NECTIN1: variants seen among roughly 807,000 people sequenced by gnomAD.
NECTIN1 encodes the protein nectin cell adhesion molecule 1.
Under a neutral mutation model 48.0 loss-of-function variants are expected in NECTIN1, and 23 were observed. That is an observed-to-expected ratio of 0.48 (90% CI 0.34 to 0.68). The LOEUF (loss-of-function observed/expected upper bound fraction) is 0.68. Among genes scored for constraint, NECTIN1 ranks in the 30% least tolerant of loss-of-function variants. The pLI is 0.01. For missense variants in NECTIN1, 591 were observed against 709.9 expected, an observed-to-expected ratio of 0.83 and a Z score of 1.90; for synonymous variants, 270 against 288.9, an observed-to-expected ratio of 0.93 and a Z score of 0.66.
intron 5 of NECTIN1, among the ~76,000 whole-genome samples, chr11:119,648,568 C>T (rs1009216986): frequency 3.3e-5 from 5 of 150,900 alleles, no homozygotes; most frequent in African/African-American, 4.9e-5. Flanking sequence ...GGCAGAGCAA[C>T]GGGCCTGAGA....
At chr11:119,692,901 C>G (rs772541340) in intron 1 of NECTIN1, among the ~76,000 whole-genome samples, 1 of 152,238 alleles carries the variant, frequency 6.6e-6, no homozygotes, top group Non-Finnish European at 1.5e-5. Flanking sequence ...ACCCTCTGAA[C>G]CAGACCTGGG....
At position 119,664,962 on chromosome 11, in the gene NECTIN1, C is replaced by T; in HGVS notation, c.1339G>A (p.Gly447Arg). Residue 447 changes from glycine to arginine, a missense_variant, in exon 6 of 6, where the codon GGA becomes AGA. Physicochemically the swap from Gly to Arg is moderately radical, Grantham distance 125. Transcript: ENST00000264025. ...CCGCCCACCTTGCGCTCGCCCCCTCCACCGCCCTCCTCCTCCTCCTCCTCC... is the reference window on the plus strand; with the variant it reads ...CCGCCCACCTTGCGCTCGCCCCCTCTACCGCCCTCCTCCTCCTCCTCCTCC... ...EEEEEEEEGG[G>R]GGERKVGGPH... 1 of 1,613,176 alleles carries T rather than the reference C, an allele frequency of 6.2e-7. No individual in the cohort carries two copies.
chr11:119,639,855 C>CT, intron 6 of NECTIN1: 4 of 1,614,054 alleles, frequency 2.5e-6, no homozygotes, highest in Non-Finnish European at 3.4e-6. Context: ...CAGAGTCCTG[C>CT]CTGGCTCACC....
intron 5 of NECTIN1, among the ~76,000 whole-genome samples, chr11:119,666,026 G>A (rs1864763316): frequency 6.6e-6 from 1 of 152,200 alleles, no homozygotes; most frequent in Non-Finnish European, 1.5e-5. Flanking sequence ...GTTCTTGGCT[G>A]TGGTCTGGGC....
intron 5 of NECTIN1, among the ~76,000 whole-genome samples, chr11:119,652,009 C>A (rs539520336): frequency 6.6e-6 from 1 of 152,274 alleles, no homozygotes; most frequent in Non-Finnish European, 1.5e-5. Flanking sequence ...CAGCCCCCTG[C>A]CTCCTAGTCC....
rs1234403981 is a variant in NECTIN1, at chr11:119,728,742, C to A, written c.-189G>T. ...CGCGGCCGCAGTCCGGGCCCCGGGCCGCCGCCGGCTCAGAGGCTCGGCAGA... is the reference window on the plus strand; with the variant it reads ...CGCGGCCGCAGTCCGGGCCCCGGGCAGCCGCCGGCTCAGAGGCTCGGCAGA... On this transcript the variant is annotated 5_prime_UTR_variant, in exon 1 of 6. Coordinates refer to ENST00000264025, the MANE Select transcript of NECTIN1 (RefSeq NM_002855.5). The A allele has an allele frequency of 6.6e-6, 3 of 454,390 alleles. No individual in the cohort carries two copies. Among genetic ancestry groups the A allele is most frequent in the Non-Finnish European group, 1.2e-5 (3 of 258,282 alleles). The allele number at this position is 454,390 out of a possible 1,614,324, so 28.1% of individuals were successfully genotyped here. A position where few individuals can be genotyped will look rare whatever the true frequency, so the allele number is the denominator to read the frequency against.
intron 1 of NECTIN1, among the ~76,000 whole-genome samples, chr11:119,692,234 C>A (rs1865269036): frequency 6.6e-6 from 1 of 152,258 alleles, no homozygotes; most frequent in African/African-American, 2.4e-5. Flanking sequence ...CCAGGGCCTG[C>A]TCCGCACACT....
At chr11:119,639,996 C>T (rs1446087420) in exon 6 of NECTIN1, 1 of 1,613,024 alleles carries the variant, frequency 6.2e-7, no homozygotes, top group Non-Finnish European at 8.5e-7. Flanking sequence ...CCAGACCCCT[C>T]TGGGGGCGGG....
In NECTIN1 at chr11:119,663,456, G is replaced by A; in HGVS notation, c.*1291C>T. On this transcript the variant is annotated 3_prime_UTR_variant, in exon 6 of 6. Coordinates refer to ENST00000264025, the MANE Select transcript of NECTIN1 (RefSeq NM_002855.5). The stretch of plus-strand genomic sequence containing the variant: ...CCTCATCCCAGAATGAGGACCAGGG[G>A]TGGCTGAGCAGGAGGTGGCCTAGCG... The A allele has an allele frequency of 1.0e-6, 1 of 985,408 alleles. No homozygotes were observed. The highest frequency in any genetic ancestry group is 4.7e-5 in the South Asian group (1 of 21,298). 61.0% of individuals were successfully genotyped at this position (985,408 alleles called of 1,614,324 possible).
At chr11:119,682,320 G>C (rs1446849840) in intron 1 of NECTIN1, among the ~76,000 whole-genome samples, 1 of 152,162 alleles carries the variant, frequency 6.6e-6, no homozygotes, top group Non-Finnish European at 1.5e-5. Flanking sequence ...GAAGGGACCA[G>C]GATTGATAAA....
chr11:119,720,958 C>G (rs1339542120), intron 1 of NECTIN1, among the ~76,000 whole-genome samples: 2 of 152,148 alleles, frequency 1.3e-5, no homozygotes, highest in East Asian at 1.9e-4. Flanking sequence ...GAAACTCCAT[C>G]TATAGGTGAG....
At chr11:119,682,755 A>G (rs1225051715) in intron 1 of NECTIN1, among the ~76,000 whole-genome samples, 2 of 152,162 alleles carry the variant, frequency 1.3e-5, no homozygotes, top group Non-Finnish European at 2.9e-5. Context: ...TTCCATCATC[A>G]TCATCACCAT....
At position 119,702,962 on chromosome 11, in the gene NECTIN1, A is replaced by C. The variant is rs369092934; in HGVS notation, c.80-24197T>G. ...AGCCCTGTCCCCCAGTATGGGTTAA[A>C]CCCCCCTTGCTCTATGTTCCCACCA... is the stretch of plus-strand genomic sequence containing the variant. On this transcript the variant is annotated intron_variant, in intron 1 of 5. Coordinates refer to ENST00000264025, the MANE Select transcript of NECTIN1 (RefSeq NM_002855.5). 3.3e-4 allele frequency among the ~76,000 whole-genome samples: 50 copies of C among 151,914 alleles called. No individual in the cohort carries two copies. The East Asian group carries it at 9.7e-3, about 29-fold the overall frequency.
intron 5 of NECTIN1, among the ~76,000 whole-genome samples, chr11:119,668,838 C>G (rs11217385): frequency 0.052 from 7,971 of 152,274 alleles, 710 homozygotes; most frequent in African/African-American, 0.18. Flanking sequence ...AAGTTCTTCT[C>G]TTCTGCAGGA....
At chr11:119,640,273 G>GT (rs1401484087) in intron 5 of NECTIN1, 1 of 544,208 alleles carries the variant, frequency 1.8e-6, no homozygotes, top group African/African-American at 1.9e-5. Flanking sequence ...TAGAACAAGG[G>GT]TGAGGGTATC....
chr11:119,705,865 C>T (rs1377242990), intron 1 of NECTIN1, among the ~76,000 whole-genome samples: 2 of 151,842 alleles, frequency 1.3e-5, no homozygotes, highest in East Asian at 1.9e-4. Flanking sequence ...CTACGGAGCC[C>T]TCCTCTCCCA....
chr11:119,653,824 T>G (rs1864527297), intron 5 of NECTIN1, among the ~76,000 whole-genome samples: 1 of 152,238 alleles, frequency 6.6e-6, no homozygotes, highest in South Asian at 2.1e-4. Context: ...CGGTGGCAAG[T>G]ATCCCTATTA....
At chr11:119,720,616 C>A (rs953609572) in intron 1 of NECTIN1, among the ~76,000 whole-genome samples, 1 of 152,266 alleles carries the variant, frequency 6.6e-6, no homozygotes, top group African/African-American at 2.4e-5. Flanking sequence ...AGAAGGGACA[C>A]GCTTGCCTTG....
rs1168847158 is a variant in NECTIN1 at position 119,709,354 on chromosome 11, G to C, written c.79+19121C>G. Among the ~76,000 whole-genome samples, 3 of 152,122 alleles carry C rather than the reference G, an allele frequency of 2.0e-5. No individual in the cohort carries two copies. Among genetic ancestry groups the C allele is most frequent in the African/African-American group, 4.8e-5 (2 of 41,416 alleles). On this transcript the variant is annotated intron_variant, in intron 1 of 5. Transcript: ENST00000264025. This position sits in a 1 kb window ranked among gnomAD's most constrained non-coding sequence, Gnocchi z 4.1. ...ATCACCAGCTCCACATCCGGGCCCA[G>C]GGCGCCTCTGTCTGCCACGCACTTG...
Sources: gnomAD v4.1 joint callset for allele counts (sites outside exome capture counted in the v4.1 genomes callset) on GRCh38, gnomAD v4.1.1 for gene constraint, Gnocchi (gnomAD v3.1) non-coding constraint, MANE v1.5 for transcripts, NCBI Gene and HGNC (gene_info 2026-07-23, HGNC 2026-07-21) for gene names.